The following AGMO variants were observed in gnomAD, a reference collection of about 807,000 sequenced individuals.
AGMO encodes the protein alkylglycerol monooxygenase.
In AGMO, 75 loss-of-function variants were observed where a neutral mutation model predicts 60.2. The ratio of observed to expected loss-of-function variants is 1.25; its 90% CI spans 1.03 to 1.51. AGMO has a LOEUF of 1.51. AGMO is among the 40% of genes most tolerant of loss of function. The pLI is 0.00. For synonymous variants in AGMO, 261 were observed against 177.1 expected (o/e 1.47, Z -3.76); for missense variants, 763 against 525.5 (o/e 1.45, Z -4.42).
the AGMO span, among the ~76,000 whole-genome samples, chr7:15,143,688 CT>C: frequency 0.017 from 2,149 of 127,718 alleles, 14 homozygotes; most frequent in African/African-American, 0.035. Flanking sequence ...TTTGTTTTGT[CT>C]TTTTTTTTTT....
intron 12 of AGMO, among the ~76,000 whole-genome samples, chr7:15,346,273 T>G (rs2128551802): frequency 6.6e-6 from 1 of 152,186 alleles, no homozygotes; most frequent in South Asian, 2.1e-4. Flanking sequence ...ACCAAACCAC[T>G]TTTGCTAAGA....
At chr7:15,396,116 G>A (rs746397104) in intron 5 of AGMO, 2 of 152,170 alleles carry the variant, frequency 1.3e-5, no homozygotes, top group African/African-American at 2.4e-5. Flanking sequence ...TTTCAGAACG[G>A]ACAGAAATAT....
intron 12 of AGMO, among the ~76,000 whole-genome samples, chr7:15,362,389 C>A (rs1782800907): frequency 6.6e-6 from 1 of 152,146 alleles, no homozygotes; most frequent in South Asian, 2.1e-4. Flanking sequence ...GACCTCTCAA[C>A]AGAGAAGACT....
chr7:15,180,204 G>A, the AGMO span, among the ~76,000 whole-genome samples: 1 of 152,110 alleles, frequency 6.6e-6, no homozygotes, highest in African/African-American at 2.4e-5. Context: ...ATGTCATCAG[G>A]CTACAAATTT....
At chr7:15,211,788 T>C (rs1181695345) in intron 12 of AGMO, among the ~76,000 whole-genome samples, 1 of 151,998 alleles carries the variant, frequency 6.6e-6, no homozygotes, top group Admixed American at 6.6e-5. Context: ...TTCAGGGGGA[T>C]CTTGAGCAAC....
intron 3 of AGMO, 104 bp downstream of exon 3, chr7:15,544,668 T>C (rs200697276): frequency 9.6e-5 from 97 of 1,005,360 alleles, no homozygotes; most frequent in East Asian, 3.0e-5. Context: ...AAATATACTA[T>C]TTTATTCCTG....
At chr7:15,248,178 C>CCATATA (rs1782806623) in intron 12 of AGMO, among the ~76,000 whole-genome samples, 2 of 23,214 alleles carry the variant, frequency 8.6e-5, no homozygotes, top group Non-Finnish European at 2.7e-4. Context: ...TGATCCAGCA[C>CCATATA]CATATATATA....
At position 15,370,720 on chromosome 7, in the gene AGMO, A is replaced by G. The variant is rs905302168; in HGVS notation, c.1075-4498T>C. ...AGGTGCCTGTTTATGTTCTTTGCCC[A>G]TTTTTTAATGTGGCTATTTGTTTTT... On this transcript the variant is annotated intron_variant, in intron 10 of 12. Coordinates refer to ENST00000342526, the MANE Select transcript of AGMO (RefSeq NM_001004320.2). 6.8e-5 allele frequency among the ~76,000 whole-genome samples: 10 copies of G among 146,598 alleles called. No homozygotes were observed. The South Asian group carries it at 8.8e-4, about 13-fold the overall frequency.
the AGMO span, among the ~76,000 whole-genome samples, chr7:15,154,731 G>A: frequency 6.6e-6 from 1 of 152,114 alleles, no homozygotes; most frequent in African/African-American, 2.4e-5. Context: ...GGAGCTGGCA[G>A]GTATTCATCT....
At chr7:15,368,479 T>C (rs1346801161) in intron 10 of AGMO, among the ~76,000 whole-genome samples, 1 of 152,144 alleles carries the variant, frequency 6.6e-6, no homozygotes, top group Non-Finnish European at 1.5e-5. Flanking sequence ...ACACAGAATT[T>C]GTTTTTCAAA....
intron 3 of AGMO, among the ~76,000 whole-genome samples, chr7:15,461,503 C>A (rs950813143): frequency 6.6e-6 from 1 of 151,954 alleles, no homozygotes; most frequent in Admixed American, 6.6e-5. Context: ...AGGTGGTCTA[C>A]TCAAAAATTA....
intron 3 of AGMO, among the ~76,000 whole-genome samples, chr7:15,499,238 A>G (rs1783314604): frequency 6.6e-6 from 1 of 151,848 alleles, no homozygotes; most frequent in Non-Finnish European, 1.5e-5. Flanking sequence ...CCTTTCTATA[A>G]AGGAGTCAAT....
intron 3 of AGMO, among the ~76,000 whole-genome samples, chr7:15,494,239 T>C (rs1175432537): frequency 2.6e-5 from 4 of 152,110 alleles, no homozygotes; most frequent in Non-Finnish European, 4.4e-5. Context: ...AATTTGAAAA[T>C]AGAGGCTCAT....
Position 15,433,913 on chromosome 7 carries a change from T to A in AGMO, c.410-2805A>T, listed in dbSNP as rs182975047. On this transcript the variant is annotated intron_variant, in intron 3 of 12. Transcript: ENST00000342526. ...CATTTGGCCAACATTTTATGTAATG[T>A]GTGTGTGGTCTGTGTTGTATTTTTG... 4.9e-3 allele frequency among the ~76,000 whole-genome samples: 745 copies of A among 152,224 alleles called. 5 individuals carry two copies. Among genetic ancestry groups the A allele is most frequent in the Middle Eastern group, 0.031 (9 of 294 alleles).
intron 3 of AGMO, among the ~76,000 whole-genome samples, chr7:15,522,458 G>T (rs1417402457): frequency 6.6e-6 from 1 of 152,090 alleles, no homozygotes; most frequent in African/African-American, 2.4e-5. Context: ...TATACTACAA[G>T]GCTAAAGTAA....
At chr7:15,547,464 C>A (rs970216561) in intron 2 of AGMO, among the ~76,000 whole-genome samples, 1 of 151,968 alleles carries the variant, frequency 6.6e-6, no homozygotes, top group Non-Finnish European at 1.5e-5. Context: ...GTGCGCGCAC[C>A]GTGCGCGAGC....
At chr7:15,397,416 C>A (rs1470727039) in intron 5 of AGMO, among the ~76,000 whole-genome samples, 2 of 152,046 alleles carry the variant, frequency 1.3e-5, no homozygotes, top group African/African-American at 4.8e-5. Context: ...CAGAGGGAGT[C>A]GGCTCCGGCC....
At chr7:15,346,628 AAT>A (rs1782043871) in intron 12 of AGMO, among the ~76,000 whole-genome samples, 1 of 151,582 alleles carries the variant, frequency 6.6e-6, no homozygotes, top group Admixed American at 6.6e-5. Flanking sequence ...AAAAAAAAAA[AAT>A]ACCATAAAGA....
At chr7:15,150,970 T>G in the AGMO span, among the ~76,000 whole-genome samples, 5 of 152,094 alleles carry the variant, frequency 3.3e-5, no homozygotes, top group African/African-American at 1.2e-4. Context: ...GGTTGGTACA[T>G]TTTTATTAGT....
Sources: gnomAD v4.1 joint callset for allele counts (sites outside exome capture counted in the v4.1 genomes callset) on GRCh38, gnomAD v4.1.1 for gene constraint, MANE v1.5 for transcripts, NCBI Gene and HGNC (gene_info 2026-07-23, HGNC 2026-07-21) for gene names.